MAP3K21: variants seen among roughly 807,000 people sequenced by gnomAD.
The protein encoded by MAP3K21 is mitogen-activated protein kinase kinase kinase MLK4.
In MAP3K21, 63 loss-of-function variants were observed where a neutral mutation model predicts 86.1. The ratio of observed to expected loss-of-function variants is 0.73; its 90% confidence interval spans 0.60 to 0.90. The LOEUF (loss-of-function observed/expected upper bound fraction) is 0.90, where lower values mean the gene tolerates loss of function less well. Among genes scored for constraint, MAP3K21 ranks in the 40% least tolerant of loss-of-function variants. MAP3K21 has a pLI of 0.00. For missense variants in MAP3K21, 1,220 were observed against 1,367.7 expected (o/e 0.89, Z 1.70); for synonymous variants, 558 against 564.8 (o/e 0.99, Z 0.17).
At chr1:233,355,856 T>A (rs1380795201) in intron 4 of MAP3K21, among the ~76,000 whole-genome samples, 1 of 152,232 alleles carries the variant, frequency 6.6e-6, no homozygotes, top group African/African-American at 2.4e-5. Context: ...CTGGGCACTC[T>A]CTGTGCAGCC....
chr1:233,355,014 G>C lies in MAP3K21; in HGVS notation c.1311+3G>C, dbSNP rs1449173099. 1.9e-5 allele frequency: 30 copies of C among 1,605,746 alleles called. No homozygotes were observed. The highest frequency in any genetic ancestry group is 8.1e-5 in the African/African-American group (6 of 74,516). On this transcript the variant is annotated splice_donor_region_variant and intron_variant, in intron 4 of 9. Transcript: ENST00000366624. ...ATGAGTTGAGAACAAAGGAAAAGGT[G>C]AGAGAAATTTTTAAACAGCATAATG...
At position 233,372,092 on chromosome 1, in the gene MAP3K21, G is replaced by A; in HGVS notation, c.1607G>A (p.Ser536Asn). ...TCTCCCAACTTGGACAAACGGCGGAGCCTGAACAGCAGCAGTTCCAGTCCC... is the reference window on the plus strand; with the variant it reads ...TCTCCCAACTTGGACAAACGGCGGAACCTGAACAGCAGCAGTTCCAGTCCC... ...QASPNLDKRR[S>N]LNSSSSSPPS... The change falls in exon 6 of 10, where the codon AGC (serine) becomes AAC (asparagine). Residue 536 changes from serine to asparagine, a missense_variant. Around this residue, in one of 5 missense-constraint regions of MAP3K21, gnomAD observed 632 missense variants for 691.3 expected, o/e 0.91. Coordinates refer to ENST00000366624, the MANE Select transcript of MAP3K21 (RefSeq NM_032435.3). 1 of 1,614,136 alleles carries A rather than the reference G, an allele frequency of 6.2e-7. No individual in the cohort carries two copies. Among genetic ancestry groups the A allele is most frequent in the Non-Finnish European group, 8.5e-7 (1 of 1,180,006 alleles).
rs185501466 is a variant in MAP3K21 at position 233,370,763 on chromosome 1, C to G, written c.1553-1275C>G. 2.1e-3 allele frequency among the ~76,000 whole-genome samples: 325 copies of G among 152,256 alleles called. 2 individuals carry two copies. Among genetic ancestry groups the G allele is most frequent in the African/African-American group, 7.5e-3 (311 of 41,544 alleles). Reference sequence around the variant, plus strand: ...TTATGGGCAAATTAATAGAGGAATGCAGGATTAGATTGCTGGGTTAAACGC... The same window carrying G: ...TTATGGGCAAATTAATAGAGGAATGGAGGATTAGATTGCTGGGTTAAACGC... On this transcript the variant is annotated intron_variant, in intron 5 of 9. Coordinates refer to ENST00000366624, the MANE Select transcript of MAP3K21 (RefSeq NM_032435.3).
At chr1:233,342,529 A>G (rs1202510288) in intron 1 of MAP3K21, among the ~76,000 whole-genome samples, 1 of 152,260 alleles carries the variant, frequency 6.6e-6, no homozygotes, top group Non-Finnish European at 1.5e-5. Context: ...GGATTCGCAG[A>G]ATGCTATAAA....
At position 233,384,232 on chromosome 1, in the gene MAP3K21, A is replaced by C. The variant is rs891032801; in HGVS notation, c.*1521A>C. 6.6e-6 allele frequency: 1 copy of C among 152,230 alleles called. No individual in the cohort carries two copies. Among genetic ancestry groups the C allele is most frequent in the African/African-American group, 2.4e-5 (1 of 41,466 alleles). The allele number at this position is 152,230 out of a possible 1,614,324, so 9.4% of individuals were successfully genotyped here. A position where few individuals can be genotyped will look rare whatever the true frequency, so the allele number is the denominator to read the frequency against. ...TGTGTGATAAAATATCTCACCTATA[A>C]TAGAAGAAAAGGAAAATCATATTAT... is the stretch of plus-strand genomic sequence containing the variant. On this transcript the variant is annotated 3_prime_UTR_variant, in exon 10 of 10. Transcript: ENST00000366624.
intron 5 of MAP3K21, among the ~76,000 whole-genome samples, chr1:233,363,529 C>T (rs898269409): frequency 6.6e-6 from 1 of 151,980 alleles, no homozygotes; most frequent in African/African-American, 2.4e-5. Context: ...GAAACCCCCT[C>T]CGTCTCTATG....
At chr1:233,368,656 T>TAA (rs35334557) in intron 5 of MAP3K21, among the ~76,000 whole-genome samples, 15 of 147,106 alleles carry the variant, frequency 1.0e-4, no homozygotes, top group South Asian at 2.2e-4. Context: ...ATCTTGTCTT[T>TAA]AAAAAAAAAA....
intron 4 of MAP3K21, among the ~76,000 whole-genome samples, chr1:233,360,575 C>A (rs1340730359): frequency 1.3e-5 from 2 of 152,192 alleles, no homozygotes; most frequent in Non-Finnish European, 2.9e-5. Context: ...ATCAGTTTGA[C>A]CTGAATAAAT....
At chr1:233,367,859 CAA>C (rs5781742) in intron 5 of MAP3K21, among the ~76,000 whole-genome samples, 11 of 121,976 alleles carry the variant, frequency 9.0e-5, no homozygotes, top group Middle Eastern at 4.3e-3. Context: ...GACTCCGTCT[CAA>C]AAAAAAAAAA....
Position 233,382,415 on chromosome 1 carries a change from G to A in MAP3K21, c.2815G>A (p.Val939Ile). 1 of 1,614,106 alleles carries A rather than the reference G, an allele frequency of 6.2e-7. No homozygotes were observed. The highest frequency in any genetic ancestry group is 1.1e-5 in the South Asian group (1 of 91,072). Reference protein sequence around the residue: ...REVSPKKHSTVHIVPQRRPAS... With the variant: ...REVSPKKHSTIHIVPQRRPAS... ...GGTCTCACCCAAGAAGCACAGCACTGTCCACATCGTGCCTCAGCGTCGCCC... is the reference window on the plus strand; with the variant it reads ...GGTCTCACCCAAGAAGCACAGCACTATCCACATCGTGCCTCAGCGTCGCCC... The change falls in exon 10 of 10, where the codon GTC (valine) becomes ATC (isoleucine). Residue 939 changes from valine to isoleucine, a missense_variant. Around this residue, in one of 5 missense-constraint regions of MAP3K21, gnomAD observed 632 missense variants for 691.3 expected, o/e 0.91. Coordinates refer to ENST00000366624, the MANE Select transcript of MAP3K21 (RefSeq NM_032435.3).
chr1:233,369,859 G>C (rs1663650796), intron 5 of MAP3K21, among the ~76,000 whole-genome samples: 1 of 152,160 alleles, frequency 6.6e-6, no homozygotes, highest in South Asian at 2.1e-4. Flanking sequence ...CCTCTTCCAG[G>C]CTGTGACGAG....
Position 233,344,367 on chromosome 1 carries a change from T to C in MAP3K21, c.806-2075T>C, listed in dbSNP as rs142848198. ...TACAGTAACCAAAACAGCATGGTAC[T>C]GGTACCAAAACAGAGAGATAGACCA... On this transcript the variant is annotated intron_variant, in intron 1 of 9. Transcript: ENST00000366624. 6.0e-3 allele frequency among the ~76,000 whole-genome samples: 918 copies of C among 152,286 alleles called. 21 individuals are homozygous for C. In the East Asian group the frequency reaches 0.063, roughly 10 times the overall value.
chr1:233,330,724 C>G (rs1662794780), intron 1 of MAP3K21, among the ~76,000 whole-genome samples: 1 of 152,176 alleles, frequency 6.6e-6, no homozygotes, highest in Non-Finnish European at 1.5e-5. Context: ...GGTCCTTAGG[C>G]TAAAAAGTTA....
At chr1:233,349,623 G>A (rs544920298) in intron 2 of MAP3K21, among the ~76,000 whole-genome samples, 9 of 152,250 alleles carry the variant, frequency 5.9e-5, no homozygotes, top group African/African-American at 2.2e-4. Flanking sequence ...TACAAAGTGC[G>A]ATGATCTGAT....
chr1:233,344,949 G>C (rs562464445), intron 1 of MAP3K21, among the ~76,000 whole-genome samples: 2 of 152,122 alleles, frequency 1.3e-5, no homozygotes, highest in Non-Finnish European at 2.9e-5. Flanking sequence ...CTCAAAAGAA[G>C]ACATTTATGC....
chr1:233,329,871 CT>C (rs1448695414), intron 1 of MAP3K21, among the ~76,000 whole-genome samples: 1 of 152,168 alleles, frequency 6.6e-6, no homozygotes, highest in Non-Finnish European at 1.5e-5. Context: ...CAATAAAGAA[CT>C]GACAAATGAC....
Position 233,379,093 on chromosome 1 carries a change from A to G in MAP3K21, c.2087A>G (p.Asn696Ser). 6.2e-7 allele frequency: 1 copy of G among 1,614,200 alleles called. No individual in the cohort carries two copies. Among genetic ancestry groups the G allele is most frequent in the Non-Finnish European group, 8.5e-7 (1 of 1,180,036 alleles). Residue 696 changes from asparagine to serine, a missense_variant, in exon 9 of 10, where the codon AAT (asparagine) becomes AGT (serine). Asn to Ser is a conservative substitution (Grantham distance 46, BLOSUM62 1). Coordinates refer to ENST00000366624, the MANE Select transcript of MAP3K21 (RefSeq NM_032435.3). ...AGCTGGGAGGAGGCAGCCTCTGCGA[A>G]TGCTGCCACAGTCTCCATTGAGATG... ...AESWEEAASANAATVSIEMTP... is the reference protein window; with the variant it reads ...AESWEEAASASAATVSIEMTP...
chr1:233,381,388 T>G (rs1486045321), intron 9 of MAP3K21, among the ~76,000 whole-genome samples: 1 of 152,214 alleles, frequency 6.6e-6, no homozygotes, highest in African/African-American at 2.4e-5. Context: ...TATTATTTAT[T>G]TTGTATGTGA....
At chr1:233,375,826 A>G in intron 6 of MAP3K21, 90 bp from the exon 7 acceptor site, 1 of 985,028 alleles carries the variant, frequency 1.0e-6, no homozygotes, top group Non-Finnish European at 1.5e-6. Flanking sequence ...GTAGTTTCAC[A>G]ACTGATATGA....
Sources: allele counts gnomAD v4.1 joint callset (sites outside exome capture counted in the v4.1 genomes callset), GRCh38; gene constraint gnomAD v4.1.1; regional missense constraint gnomAD v4.1.1; transcripts MANE v1.5; gene names NCBI Gene and HGNC (gene_info 2026-07-23, HGNC 2026-07-21).